The following TRDN variants were observed in gnomAD, a reference collection of about 807,000 sequenced individuals.
The protein encoded by TRDN is triadin.
TRDN carries 161 observed loss-of-function variants against 149.7 expected under a neutral mutation model. That is an observed-to-expected ratio of 1.08 (90% CI 0.95 to 1.23). The LOEUF (loss-of-function observed/expected upper bound fraction) is 1.23. Among genes scored for constraint, TRDN ranks in the 50% most tolerant of loss-of-function variants. The pLI is 0.00. For synonymous variants in TRDN, 294 were observed against 250.5 expected, an observed-to-expected ratio of 1.17 and a Z score of -1.64; for missense variants, 896 against 823.5, an observed-to-expected ratio of 1.09 and a Z score of -1.08.
intron 4 of TRDN, among the ~76,000 whole-genome samples, chr6:123,534,930 C>A (rs1162171528): frequency 1.3e-5 from 2 of 152,080 alleles, no homozygotes; most frequent in Admixed American, 1.3e-4. Context: ...TATTTACCTC[C>A]ACATATATGT....
At chr6:123,349,713 G>A (rs547638172) in intron 21 of TRDN, 1 of 979,778 alleles carries the variant, frequency 1.0e-6, no homozygotes, top group East Asian at 1.1e-4. Context: ...AGTTTTCTCA[G>A]GGAAATCATT....
At chr6:123,221,126 C>G (rs142092016) in intron 40 of TRDN, among the ~76,000 whole-genome samples, 63 of 151,764 alleles carry the variant, frequency 4.2e-4, no homozygotes, top group Non-Finnish European at 7.4e-4. Flanking sequence ...TTCATTTTTT[C>G]TACCTGATAT....
intron 21 of TRDN, among the ~76,000 whole-genome samples, chr6:123,347,837 C>G (rs546700548): frequency 6.6e-6 from 1 of 152,124 alleles, no homozygotes; most frequent in South Asian, 2.1e-4. Flanking sequence ...AGCCCAGTCA[C>G]AGAACAAATG....
At chr6:123,518,910 C>A (rs141921337) in intron 5 of TRDN, among the ~76,000 whole-genome samples, 112 of 152,236 alleles carry the variant, frequency 7.4e-4, no homozygotes, top group African/African-American at 2.6e-3. Context: ...AAATGACTTT[C>A]AACACAGCAA....
intron 21 of TRDN, among the ~76,000 whole-genome samples, chr6:123,344,616 T>G (rs1780187665): frequency 6.6e-6 from 1 of 152,042 alleles, no homozygotes; most frequent in African/African-American, 2.4e-5. Context: ...GCTCATGTAT[T>G]TTCCACACTG....
At chr6:123,569,017 A>G (rs1782426498) in intron 2 of TRDN, among the ~76,000 whole-genome samples, 1 of 152,214 alleles carries the variant, frequency 6.6e-6, no homozygotes, top group African/African-American at 2.4e-5. Flanking sequence ...TCCCCTTTAA[A>G]GATAAGTTCC....
chr6:123,294,660 C>T (rs138145367), intron 24 of TRDN, among the ~76,000 whole-genome samples: 1 of 151,102 alleles, frequency 6.6e-6, no homozygotes, highest in Non-Finnish European at 1.5e-5. Flanking sequence ...GACAATAATG[C>T]TCACTGGCTT....
At chr6:123,256,342 T>C (rs1262766384) in intron 35 of TRDN, among the ~76,000 whole-genome samples, 2 of 152,124 alleles carry the variant, frequency 1.3e-5, no homozygotes, top group East Asian at 3.9e-4. Flanking sequence ...CTATCATTGA[T>C]GGGCATGTGG....
intron 9 of TRDN, among the ~76,000 whole-genome samples, chr6:123,490,871 G>T (rs920988567): frequency 6.6e-6 from 1 of 152,158 alleles, no homozygotes; most frequent in Non-Finnish European, 1.5e-5. Flanking sequence ...TTGAGAGGCC[G>T]AGGTGGGCGG....
intron 1 of TRDN, among the ~76,000 whole-genome samples, chr6:123,616,626 C>G (rs1785098973): frequency 6.6e-6 from 1 of 151,992 alleles, no homozygotes. Context: ...TTGTTGTTTT[C>G]CTTCCTGAAT....
intron 1 of TRDN, among the ~76,000 whole-genome samples, chr6:123,636,436 A>G (rs1583359850): frequency 1.3e-5 from 2 of 151,996 alleles, no homozygotes; most frequent in Admixed American, 1.3e-4. Context: ...TTTGCTGGAT[A>G]AGATATCGGC....
At chr6:123,530,763 G>GGAGTTATCTCAAAATTA (rs1188489544) in intron 4 of TRDN, among the ~76,000 whole-genome samples, 198 bp from the exon 5 acceptor site, 11 of 151,734 alleles carry the variant, frequency 7.2e-5, no homozygotes, top group African/African-American at 2.7e-4. Context: ...GGGAAAAATT[G>GGAGTTATCTCAAAATTA]GAGTTATCTC....
chr6:123,421,448 T>C (rs928964228), intron 12 of TRDN: 1 of 152,140 alleles, frequency 6.6e-6, no homozygotes, highest in Non-Finnish European at 1.5e-5. Flanking sequence ...CAAACTTAAT[T>C]ATATCAGCTA....
intron 7 of TRDN, among the ~76,000 whole-genome samples, chr6:123,506,524 C>T (rs897236317): frequency 2.1e-4 from 32 of 151,814 alleles, no homozygotes; most frequent in Non-Finnish European, 2.9e-5. Context: ...ACTCTTGGCT[C>T]TGTTGCCAGG....
intron 12 of TRDN, among the ~76,000 whole-genome samples, chr6:123,414,265 T>A (rs966239629): frequency 2.0e-4 from 30 of 152,212 alleles, no homozygotes; most frequent in East Asian, 5.8e-4. Flanking sequence ...GAGATTTTTT[T>A]AAAAAAATTC....
At chr6:123,479,274 A>C (rs541818778) in intron 9 of TRDN, among the ~76,000 whole-genome samples, 4 of 152,080 alleles carry the variant, frequency 2.6e-5, no homozygotes, top group Non-Finnish European at 5.9e-5. Context: ...TTTCTGGGGG[A>C]AGTTTACTAA....
At chr6:123,349,036 G>A (rs769783335) in intron 21 of TRDN, among the ~76,000 whole-genome samples, 1 of 152,094 alleles carries the variant, frequency 6.6e-6, no homozygotes, top group Non-Finnish European at 1.5e-5. Context: ...CTTCCATTGA[G>A]TACGTATTAT....
At chr6:123,414,585 T>A (rs1773576093) in intron 12 of TRDN, among the ~76,000 whole-genome samples, 1 of 152,120 alleles carries the variant, frequency 6.6e-6, no homozygotes, top group Non-Finnish European at 1.5e-5. Flanking sequence ...ATAGAAAATA[T>A]ATGTGTAATA....
intron 19 of TRDN, among the ~76,000 whole-genome samples, chr6:123,373,112 T>A (rs1023350316): frequency 3.9e-5 from 6 of 152,280 alleles, no homozygotes; most frequent in Admixed American, 2.6e-4. Flanking sequence ...CATGTTACTA[T>A]GAGACTCTAT....
Sources: allele counts gnomAD v4.1 joint callset (sites outside exome capture counted in the v4.1 genomes callset), GRCh38; gene constraint gnomAD v4.1.1; transcripts MANE v1.5; gene names NCBI Gene and HGNC (gene_info 2026-07-23, HGNC 2026-07-21).